The following LPA variants were observed in gnomAD, a reference collection of about 807,000 sequenced individuals.
LPA encodes the protein apolipoprotein(a).
A neutral mutation model predicts 197.9 loss-of-function variants in LPA; 199 were observed. That is an observed-to-expected ratio of 1.01 (90% CI 0.90 to 1.13). LPA has a LOEUF of 1.13. Ranked by LOEUF, LPA falls within the 50% of genes most tolerant of loss-of-function variation. The pLI, the probability that LPA is intolerant of heterozygous loss-of-function variation, is 0.00. For synonymous variants in LPA, 715 were observed against 639.5 expected (o/e 1.12, Z -1.78); for missense variants, 1,853 against 1,785.8 (o/e 1.04, Z -0.68).
chr6:160,643,092 G>C (rs1461395674), intron 4 of LPA, among the ~76,000 whole-genome samples: 10 of 127,480 alleles, frequency 7.8e-5, no homozygotes, highest in Non-Finnish European at 1.5e-4. Flanking sequence ...CAGTGTGTGT[G>C]TGTGTGTGTG....
chr6:160,576,386 A>ATATATATATG (rs1778670039), intron 28 of LPA, among the ~76,000 whole-genome samples: 2 of 54,262 alleles, frequency 3.7e-5, no homozygotes, highest in South Asian at 5.8e-4. Flanking sequence ...ATATATATAT[A>ATATATATATG]TATGTATATA....
intron 7 of LPA, among the ~76,000 whole-genome samples, chr6:160,634,660 A>G (rs1426700760): frequency 2.0e-5 from 3 of 151,378 alleles, no homozygotes; most frequent in East Asian, 1.9e-4. Flanking sequence ...TAGACCCAGG[A>G]CCATATGGAA....
Position 160,654,043 on chromosome 6 carries a change from A to AAT in LPA, c.50-3548_50-3547dup, listed in dbSNP as rs1230390597. 8.4e-4 allele frequency among the ~76,000 whole-genome samples: 6 copies of AAT among 7,180 alleles called. No individual in the cohort carries two copies. The South Asian group carries it at 0.014, about 17-fold the overall frequency. The allele number at this position is 7,180 out of a possible 152,430, so 4.7% of individuals were successfully genotyped here. On this transcript the variant is annotated intron_variant, in intron 1 of 38. Coordinates refer to ENST00000316300, the MANE Select transcript of LPA (RefSeq NM_005577.4). ...ATAATATATAATATATATTATATAT[A>AAT]ATATATAATATATTATATATATTAT...
At chr6:160,540,257 C>T (rs1195002535) in intron 35 of LPA, 74 bp from the exon 36 acceptor site, 33 of 1,585,576 alleles carry the variant, frequency 2.1e-5, no homozygotes, top group Middle Eastern at 1.9e-4. Context: ...ATGAACTTGG[C>T]GCTGTCCCTC....
intron 28 of LPA, among the ~76,000 whole-genome samples, chr6:160,568,664 G>C (rs954585078): frequency 6.6e-6 from 1 of 152,250 alleles, no homozygotes; most frequent in East Asian, 1.9e-4. Flanking sequence ...AGGAAATAAA[G>C]GGTATTCAGT....
intron 30 of LPA, among the ~76,000 whole-genome samples, chr6:160,550,260 G>C (rs897497790): frequency 6.6e-6 from 1 of 151,724 alleles, no homozygotes; most frequent in African/African-American, 2.4e-5. Flanking sequence ...GGACCCCGGT[G>C]GTGGGGGATC....
At chr6:160,559,415 T>C (rs2115014138) in intron 28 of LPA, among the ~76,000 whole-genome samples, 1 of 152,362 alleles carries the variant, frequency 6.6e-6, no homozygotes, top group African/African-American at 2.4e-5. Flanking sequence ...ATTTTGTTAT[T>C]GATGAACATT....
rs1321546586 is a variant in LPA at position 160,595,428 on chromosome 6, A to G, written c.3395T>C (p.Leu1132Pro). Reference protein sequence around the residue: ...RWEYCNLTQCLVTESSVLATL... With the variant: ...RWEYCNLTQCPVTESSVLATL... ...TGCAAGGACACTTGATTCTGTCACC[A>G]GGCATTGTGTCAGGTTGCAGTACTC... Residue 1132 changes from leucine (L) to proline (P), a missense_variant, in exon 21 of 39, where the codon CTG (leucine) becomes CCG (proline). Leu to Pro is a moderately conservative substitution (Grantham distance 98). This residue lies in a region of LPA where 1,737 missense variants were observed against 1,504.4 expected (regional missense o/e 1.15). Coordinates refer to ENST00000316300, the MANE Select transcript of LPA (RefSeq NM_005577.4). 6.2e-7 allele frequency: 1 copy of G among 1,613,766 alleles called. No individual in the cohort carries two copies. Among genetic ancestry groups the G allele is most frequent in the African/African-American group, 1.3e-5 (1 of 74,956 alleles).
chr6:160,592,800 T>A (rs1779054756), intron 22 of LPA, among the ~76,000 whole-genome samples: 1 of 152,166 alleles, frequency 6.6e-6, no homozygotes, highest in South Asian at 2.1e-4. Context: ...AATCCGAAGA[T>A]CCTACTCCCA....
intron 26 of LPA, among the ~76,000 whole-genome samples, chr6:160,584,170 T>TTTCTCTTC (rs1778851233): frequency 9.7e-6 from 1 of 103,170 alleles, no homozygotes; most frequent in Non-Finnish European, 2.0e-5. Context: ...TCATTTCTAT[T>TTTCTCTTC]TTCTTCTTCT....
chr6:160,570,028 C>T (rs1019437346), intron 28 of LPA, among the ~76,000 whole-genome samples: 3 of 152,182 alleles, frequency 2.0e-5, no homozygotes, highest in African/African-American at 7.2e-5. Context: ...CATTTTTACA[C>T]TGGTGGTGGG....
intron 28 of LPA, among the ~76,000 whole-genome samples, chr6:160,567,606 C>A (rs1219340134): frequency 6.6e-6 from 1 of 151,996 alleles, no homozygotes; most frequent in African/African-American, 2.4e-5. Context: ...AGAGCAAACA[C>A]ATTAAAAAGC....
In LPA at chr6:160,556,124, C is replaced by G; in HGVS notation, c.4874G>C (p.Arg1625Pro). Reference protein sequence around the residue: ...QCYHGNGQSYRGTFSTTVTGR... With the variant: ...QCYHGNGQSYPGTFSTTVTGR... Reference sequence around the variant, plus strand: ...TGTGACAGTGGTGGAGAATGTGCCTCGATAACTCTGGCCATTACCATGGTA... The same window carrying G: ...TGTGACAGTGGTGGAGAATGTGCCTGGATAACTCTGGCCATTACCATGGTA... Residue 1625 changes from arginine (R) to proline (P), a missense_variant, in exon 30 of 39, where the codon CGA (arginine) becomes CCA (proline). Transcript: ENST00000316300. 1 of 1,613,824 alleles carries G rather than the reference C, an allele frequency of 6.2e-7. No homozygotes were observed. Among genetic ancestry groups the G allele is most frequent in the Non-Finnish European group, 8.5e-7 (1 of 1,179,956 alleles).
At chr6:160,543,507 C>T (rs1049293428) in intron 33 of LPA, among the ~76,000 whole-genome samples, 1 of 152,194 alleles carries the variant, frequency 6.6e-6, no homozygotes, top group Non-Finnish European at 1.5e-5. Flanking sequence ...AGAGATTCTA[C>T]ACTCCAGTGA....
At position 160,547,869 on chromosome 6, in the gene LPA, G is replaced by A. The variant is rs1583570562; in HGVS notation, c.5224C>T (p.Gln1742Ter). ...TGGGGCTCCTGGGCAGCCCATTCCT[G>A]GCATGGCGTCCCAGTAACAGTGGTT... ...KATTVTGTPC[Q>*]EWAAQEPHRH... The change falls in exon 32 of 39, where the codon CAG becomes TAG. Residue 1742 changes from glutamine to a stop codon, truncating the protein, a stop_gained. Coordinates refer to ENST00000316300, the MANE Select transcript of LPA (RefSeq NM_005577.4). LOFTEE classifies it high-confidence loss of function. 6.2e-7 allele frequency: 1 copy of A among 1,614,098 alleles called. No individual in the cohort carries two copies. The highest frequency in any genetic ancestry group is 1.3e-5 in the African/African-American group (1 of 75,004).
chr6:160,634,889 G>T (rs1418242020), intron 7 of LPA, among the ~76,000 whole-genome samples: 1 of 150,262 alleles, frequency 6.7e-6, no homozygotes, highest in African/African-American at 2.5e-5. Flanking sequence ...GAGTTGTGAA[G>T]CCCATCACCC....
intron 28 of LPA, among the ~76,000 whole-genome samples, chr6:160,575,795 AC>A (rs1778644093): frequency 6.6e-6 from 1 of 152,036 alleles, no homozygotes; most frequent in African/African-American, 2.4e-5. Context: ...TCTTTGTCCT[AC>A]TTTCATTGTG....
chr6:160,532,519 A>G lies in LPA; in HGVS notation c.5961+12T>C, dbSNP rs1268580352. 6.4e-7 allele frequency: 1 copy of G among 1,560,980 alleles called. No homozygotes were observed. The highest frequency in any genetic ancestry group is 1.7e-5 in the Admixed American group (1 of 59,914). On this transcript the variant is annotated intron_variant, in intron 38 of 38. Transcript: ENST00000316300. ...GAGAGCACAAGACTTTGATCTATTG[A>G]TCTTTTCTTACCTGGCAACTGTCAG... is the stretch of plus-strand genomic sequence containing the variant.
Position 160,586,558 on chromosome 6 carries a change from A to G in LPA, c.4020T>C (p.Ser1340=), listed in dbSNP as rs777400327. Residue 1340 remains serine (S), a synonymous_variant, in exon 25 of 39, where the codon AGT becomes AGC. Coordinates refer to ENST00000316300, the MANE Select transcript of LPA (RefSeq NM_005577.4). ...IRPWCYTMDP[S]VRWEYCNLTQ... ...TCAGGTTGCAGTACTCCCATCTGACACTGGGATCCATGGTATAACACCAAG... is the reference window on the plus strand; with the variant it reads ...TCAGGTTGCAGTACTCCCATCTGACGCTGGGATCCATGGTATAACACCAAG... The G allele has an allele frequency of 1.2e-6, 2 of 1,613,804 alleles. No individual in the cohort carries two copies. The highest frequency in any genetic ancestry group is 1.7e-6 in the Non-Finnish European group (2 of 1,179,812).
Sources: allele counts gnomAD v4.1 joint callset (sites outside exome capture counted in the v4.1 genomes callset), GRCh38; gene constraint gnomAD v4.1.1; regional missense constraint gnomAD v4.1.1; transcripts MANE v1.5; gene names NCBI Gene and HGNC (gene_info 2026-07-23, HGNC 2026-07-21).